Variants in FAM83B observed in about 807,000 individuals in gnomAD.
FAM83B encodes scaffolding CK1 anchoring protein B.
In FAM83B, 26 loss-of-function variants were observed where a neutral mutation model predicts 38.8. The observed-to-expected ratio is 0.67, with a 90% CI of 0.49 to 0.93. FAM83B has a LOEUF of 0.93. Among genes scored for constraint, FAM83B ranks in the 40% least tolerant of loss-of-function variants. The probability of loss-of-function intolerance (pLI) is 0.00; values close to 1 mark genes in which losing one functional copy is unlikely to be tolerated. For synonymous variants in FAM83B, 419 were observed against 423.1 expected (o/e 0.99, Z 0.12); for missense variants, 1,237 against 1,197.3 (o/e 1.03, Z -0.49).
intron 2 of FAM83B, among the ~76,000 whole-genome samples, chr6:54,907,484 C>G (rs114054762): frequency 1.3e-5 from 2 of 152,064 alleles, no homozygotes; most frequent in Non-Finnish European, 2.9e-5. Flanking sequence ...GTTCTTTATT[C>G]TCTTTGCTCT....
Position 54,870,226 on chromosome 6 carries a change from C to G in FAM83B, c.-21C>G. 1 of 1,591,648 alleles carries G rather than the reference C, an allele frequency of 6.3e-7. No homozygotes were observed. The highest frequency in any genetic ancestry group is 8.6e-7 in the Non-Finnish European group (1 of 1,162,178). The stretch of plus-strand genomic sequence containing the variant: ...TGCATGAATGGACATTTGAAAGTGC[C>G]ATAGCCAAACACTTGCAAGCATGGA... On this transcript the variant is annotated 5_prime_UTR_variant, in exon 2 of 5. Coordinates refer to ENST00000306858, the MANE Select transcript of FAM83B (RefSeq NM_001010872.3).
intron 1 of FAM83B, among the ~76,000 whole-genome samples, chr6:54,865,969 TA>T (rs1771691494): frequency 1.3e-3 from 2 of 1,518 alleles, no homozygotes; most frequent in South Asian, 0.12. Context: ...AAAATAGTCA[TA>T]ATAATAATAA....
intron 2 of FAM83B, among the ~76,000 whole-genome samples, chr6:54,919,617 A>C (rs1325583654): frequency 2.6e-5 from 4 of 152,016 alleles, no homozygotes; most frequent in African/African-American, 7.2e-5. Flanking sequence ...AAGTCTAGAT[A>C]ATTAGGATTA....
intron 1 of FAM83B, among the ~76,000 whole-genome samples, chr6:54,848,164 CAG>C (rs1771185699): frequency 6.6e-6 from 1 of 152,078 alleles, no homozygotes; most frequent in African/African-American, 2.4e-5. Flanking sequence ...TAATGTGAAA[CAG>C]AATGATGGAA....
Position 54,940,974 on chromosome 6 carries a change from T to G in FAM83B, c.2003T>G (p.Phe668Cys), listed in dbSNP as rs1209570697. ...CTTAAAAGGCGAAGTTTCCCGTTAT[T>G]TGACAACTCAAAAGCCAACTTAGAT... ...NLLKRRSFPL[F>C]DNSKANLDPG... Residue 668 changes from phenylalanine to cysteine, a missense_variant, in exon 5 of 5, where the codon TTT (phenylalanine) becomes TGT (cysteine). Physicochemically the swap from Phe to Cys is radical, Grantham distance 205. Transcript: ENST00000306858. The G allele has an allele frequency of 6.2e-7, 1 of 1,613,940 alleles. No individual in the cohort carries two copies. Among genetic ancestry groups the G allele is most frequent in the Admixed American group, 1.7e-5 (1 of 59,946 alleles).
At chr6:54,858,668 A>G (rs1428969444) in intron 1 of FAM83B, among the ~76,000 whole-genome samples, 1 of 152,206 alleles carries the variant, frequency 6.6e-6, no homozygotes, top group East Asian at 1.9e-4. Flanking sequence ...TTGTATCACT[A>G]TTTGTGTTGA....
intron 2 of FAM83B, among the ~76,000 whole-genome samples, chr6:54,914,499 G>A (rs541448864): frequency 6.6e-6 from 1 of 152,078 alleles, no homozygotes; most frequent in Admixed American, 6.6e-5. Flanking sequence ...TTTGGATGCT[G>A]TTTGGTCATT....
intron 2 of FAM83B, among the ~76,000 whole-genome samples, chr6:54,901,591 C>T (rs239842): frequency 0.2 from 30,207 of 151,792 alleles, 3,413 homozygotes; most frequent in African/African-American, 0.31. Context: ...CATTGTTTCC[C>T]TTATTTGATT....
intron 2 of FAM83B, among the ~76,000 whole-genome samples, chr6:54,906,669 C>A (rs1048733862): frequency 2.6e-5 from 4 of 152,146 alleles, no homozygotes; most frequent in African/African-American, 9.7e-5. Context: ...CAGGCGTGAA[C>A]CACCATGTCT....
At chr6:54,900,589 C>T (rs1274977697) in intron 2 of FAM83B, among the ~76,000 whole-genome samples, 2 of 152,056 alleles carry the variant, frequency 1.3e-5, no homozygotes, top group African/African-American at 2.4e-5. Context: ...TGTCTTTGCT[C>T]GTAATCAAGT....
chr6:54,864,673 T>C (rs1771660245), intron 1 of FAM83B, among the ~76,000 whole-genome samples: 2 of 152,202 alleles, frequency 1.3e-5, no homozygotes, highest in African/African-American at 2.4e-5. Context: ...CATGTTTTAA[T>C]TGTTATCTTA....
At chr6:54,878,407 T>C (rs1772047753) in intron 2 of FAM83B, among the ~76,000 whole-genome samples, 2 of 152,146 alleles carry the variant, frequency 1.3e-5, no homozygotes, top group African/African-American at 4.8e-5. Flanking sequence ...AAAACACAAA[T>C]ATGGTTGAGT....
chr6:54,939,611 C>T (rs1462432164), intron 4 of FAM83B, 95 bp from the exon 5 acceptor site: 18 of 1,178,388 alleles, frequency 1.5e-5, no homozygotes, highest in Non-Finnish European at 2.0e-5. Flanking sequence ...AAGAAAAGTA[C>T]AAAAACATAG....
intron 2 of FAM83B, among the ~76,000 whole-genome samples, chr6:54,874,299 T>G (rs1771936508): frequency 6.6e-6 from 1 of 152,178 alleles, no homozygotes; most frequent in African/African-American, 2.4e-5. Context: ...TATGTTTGCT[T>G]ATTTTGTTTG....
intron 2 of FAM83B, among the ~76,000 whole-genome samples, chr6:54,893,005 C>T (rs1412045621): frequency 6.6e-6 from 1 of 152,060 alleles, no homozygotes; most frequent in African/African-American, 2.4e-5. Flanking sequence ...TATATAGAGG[C>T]TGTTGGGGTG....
At chr6:54,911,016 A>G (rs567821979) in intron 2 of FAM83B, among the ~76,000 whole-genome samples, 4 of 152,156 alleles carry the variant, frequency 2.6e-5, no homozygotes, top group Non-Finnish European at 5.9e-5. Flanking sequence ...GATGAAAGGA[A>G]AAGAATCACT....
chr6:54,922,314 T>C (rs1321774933), intron 2 of FAM83B, among the ~76,000 whole-genome samples: 2 of 152,068 alleles, frequency 1.3e-5, no homozygotes, highest in East Asian at 3.8e-4. Context: ...TGTACAATAC[T>C]GTTTCTGTAT....
intron 1 of FAM83B, among the ~76,000 whole-genome samples, chr6:54,869,803 A>G (rs1204764893): frequency 6.6e-6 from 1 of 152,164 alleles, no homozygotes; most frequent in Non-Finnish European, 1.5e-5. Flanking sequence ...TTGCCTCCTC[A>G]ACTAATTAAT....
Position 54,940,694 on chromosome 6 carries a change from G to A in FAM83B, c.1723G>A (p.Glu575Lys), listed in dbSNP as rs779027748. The change falls in exon 5 of 5, where the codon GAG (glutamate) becomes AAG (lysine). Residue 575 changes from glutamate to lysine, a missense_variant. Coordinates refer to ENST00000306858, the MANE Select transcript of FAM83B (RefSeq NM_001010872.3). ...NSTIIGSQGS[E>K]TPKEVPDTPT... ...AACTATCATTGGTTCTCAGGGAAGT[G>A]AGACACCTAAAGAGGTCCCAGACAC... 6.2e-7 allele frequency: 1 copy of A among 1,613,982 alleles called. No homozygotes were observed. The highest frequency in any genetic ancestry group is 1.1e-5 in the South Asian group (1 of 91,066).
Sources: gnomAD v4.1 joint callset for allele counts (sites outside exome capture counted in the v4.1 genomes callset) on GRCh38, gnomAD v4.1.1 for gene constraint, MANE v1.5 for transcripts, NCBI Gene and HGNC (gene_info 2026-07-23, HGNC 2026-07-21) for gene names.